Variants in SPATA16 observed in about 807,000 individuals in gnomAD.
The protein encoded by SPATA16 is spermatogenesis-associated protein 16.
SPATA16 carries 36 observed loss-of-function variants against 63.3 expected under a neutral mutation model. The observed-to-expected ratio is 0.57, with a 90% CI of 0.44 to 0.75. The LOEUF is 0.75. SPATA16 is among the 30% of genes least tolerant of loss of function. The probability of loss-of-function intolerance (pLI) is 0.00; values close to 1 mark genes in which losing one functional copy is unlikely to be tolerated. For missense variants in SPATA16, 646 were observed against 679.3 expected, an observed-to-expected ratio of 0.95 and a Z score of 0.54; for synonymous variants, 203 against 216.7, an observed-to-expected ratio of 0.94 and a Z score of 0.56.
At chr3:172,977,205 TAG>T (rs1734183235) in intron 4 of SPATA16, among the ~76,000 whole-genome samples, 153 bp from the exon 5 acceptor site, 1 of 152,160 alleles carries the variant, frequency 6.6e-6, no homozygotes, top group South Asian at 2.1e-4. Context: ...AAGCACATTT[TAG>T]AGTGTTGAAA....
intron 1 of SPATA16, among the ~76,000 whole-genome samples, chr3:173,128,298 C>G (rs1276270845): frequency 6.6e-6 from 1 of 152,180 alleles, no homozygotes; most frequent in African/African-American, 2.4e-5. Context: ...TCATATGGTG[C>G]TGACTTTATA....
intron 4 of SPATA16, among the ~76,000 whole-genome samples, chr3:172,981,548 A>G (rs570884335): frequency 6.6e-6 from 1 of 151,836 alleles, no homozygotes; most frequent in Non-Finnish European, 1.5e-5. Context: ...GATTTTGCAC[A>G]TGACAGTCCT....
At chr3:172,918,351 C>T (rs1165271222) in intron 8 of SPATA16, among the ~76,000 whole-genome samples, 2 of 152,046 alleles carry the variant, frequency 1.3e-5, no homozygotes, top group African/African-American at 2.4e-5. Flanking sequence ...TTTTCCAAAA[C>T]GTCAGGAAAA....
At chr3:173,099,467 C>A (rs1737439108) in intron 2 of SPATA16, among the ~76,000 whole-genome samples, 1 of 152,108 alleles carries the variant, frequency 6.6e-6, no homozygotes, top group Non-Finnish European at 1.5e-5. Context: ...TTTCAGGAAT[C>A]CCCTGGGGGT....
intron 2 of SPATA16, among the ~76,000 whole-genome samples, chr3:173,080,318 T>G (rs886166861): frequency 6.6e-6 from 1 of 152,212 alleles, no homozygotes; most frequent in Non-Finnish European, 1.5e-5. Context: ...AGTTAGGGAC[T>G]AGGCAAAGAC....
chr3:173,128,096 C>T (rs570086574), intron 1 of SPATA16, among the ~76,000 whole-genome samples: 3 of 152,246 alleles, frequency 2.0e-5, no homozygotes, highest in East Asian at 3.9e-4. Flanking sequence ...TTTACTCTAA[C>T]GATGAGGGCT....
intron 2 of SPATA16, among the ~76,000 whole-genome samples, chr3:173,093,040 A>AACAC (rs57114377): frequency 0.016 from 2,226 of 142,602 alleles, 46 homozygotes; most frequent in African/African-American, 0.043. Flanking sequence ...ATGCACCTAA[A>AACAC]ACACACACAC....
intron 8 of SPATA16, among the ~76,000 whole-genome samples, chr3:172,922,963 C>T (rs551971218): frequency 1.3e-5 from 2 of 151,996 alleles, no homozygotes; most frequent in African/African-American, 4.8e-5. Context: ...CCCCAAAACC[C>T]AAAAAACTAA....
intron 4 of SPATA16, among the ~76,000 whole-genome samples, chr3:172,995,310 G>T (rs1386334427): frequency 2.6e-5 from 4 of 151,910 alleles, no homozygotes; most frequent in Non-Finnish European, 5.9e-5. Context: ...GTGAGACTAG[G>T]TAATACTATT....
chr3:173,051,559 A>T (rs1368569986), intron 2 of SPATA16, among the ~76,000 whole-genome samples: 1 of 151,336 alleles, frequency 6.6e-6, no homozygotes, highest in Non-Finnish European at 1.5e-5. Flanking sequence ...TGGGTCTCGA[A>T]CTCCTGACCT....
At chr3:172,952,746 C>A (rs565718880) in intron 6 of SPATA16, among the ~76,000 whole-genome samples, 129 of 152,134 alleles carry the variant, frequency 8.5e-4, no homozygotes, top group African/African-American at 2.9e-3. Context: ...TTGAGACCAT[C>A]CTGGCCAACA....
chr3:173,111,456 A>G (rs1371710806), intron 2 of SPATA16, among the ~76,000 whole-genome samples: 4 of 152,194 alleles, frequency 2.6e-5, no homozygotes, highest in East Asian at 3.8e-4. Flanking sequence ...ACCCAGCAGT[A>G]GTTTAAGAAA....
intron 10 of SPATA16, among the ~76,000 whole-genome samples, chr3:172,907,678 C>T (rs1332474980): frequency 3.3e-5 from 5 of 151,816 alleles, no homozygotes; most frequent in Non-Finnish European, 7.4e-5. Context: ...TGGGTTCAAG[C>T]GATTCTTCTG....
chr3:172,974,123 A>G (rs1486945252), intron 5 of SPATA16, among the ~76,000 whole-genome samples: 1 of 152,182 alleles, frequency 6.6e-6, no homozygotes, highest in Non-Finnish European at 1.5e-5. Context: ...CACCAAAGCA[A>G]AGGTCCATTC....
chr3:173,022,626 T>C (rs2108278370), intron 3 of SPATA16, among the ~76,000 whole-genome samples: 1 of 152,200 alleles, frequency 6.6e-6, no homozygotes, highest in African/African-American at 2.4e-5. Context: ...GTGCAACTTG[T>C]AGGGGAAATG....
chr3:172,980,909 C>T (rs1167446590), intron 4 of SPATA16, among the ~76,000 whole-genome samples: 1 of 152,198 alleles, frequency 6.6e-6, no homozygotes, highest in Admixed American at 6.5e-5. Context: ...TTCTCTACTT[C>T]TAATTTTTCT....
At chr3:172,893,193 T>C (rs545978913) in intron 10 of SPATA16, among the ~76,000 whole-genome samples, 3 of 152,342 alleles carry the variant, frequency 2.0e-5, no homozygotes, top group East Asian at 1.9e-4. Context: ...TACTTTAGAA[T>C]GTGGCCTTAT....
intron 8 of SPATA16, among the ~76,000 whole-genome samples, chr3:172,922,592 TG>T (rs1181453259): frequency 2.0e-5 from 3 of 152,200 alleles, no homozygotes; most frequent in African/African-American, 7.2e-5. Flanking sequence ...GTCAGTTTCC[TG>T]ACAAGTGACA....
At chr3:172,963,448 T>A (rs1385801425) in intron 5 of SPATA16, among the ~76,000 whole-genome samples, 1 of 151,918 alleles carries the variant, frequency 6.6e-6, no homozygotes, top group Non-Finnish European at 1.5e-5. Flanking sequence ...ATAGTCATAA[T>A]AAATATAATA....
Sources: gnomAD v4.1 joint callset for allele counts (sites outside exome capture counted in the v4.1 genomes callset) on GRCh38, gnomAD v4.1.1 for gene constraint, MANE v1.5 for transcripts, NCBI Gene and HGNC (gene_info 2026-07-23, HGNC 2026-07-21) for gene names.